The following CNKSR3 variants were observed in gnomAD, a reference collection of about 807,000 sequenced individuals.
The protein encoded by CNKSR3 is connector enhancer of kinase suppressor of ras 3.
In CNKSR3, 36 loss-of-function variants were observed where a neutral mutation model predicts 67.7. That is an observed-to-expected ratio of 0.53 (90% CI 0.41 to 0.70). The LOEUF is 0.70. CNKSR3 is among the 30% of genes least tolerant of loss of function. The pLI is 0.00. For synonymous variants in CNKSR3, 281 were observed against 271.4 expected (o/e 1.04, Z -0.35); for missense variants, 630 against 695.2 (o/e 0.91, Z 1.05).
intron 6 of CNKSR3, among the ~76,000 whole-genome samples, chr6:154,429,747 C>T (rs561088657): frequency 1.1e-3 from 167 of 152,220 alleles, no homozygotes; most frequent in Non-Finnish European, 2.0e-3. Flanking sequence ...TCAACATCAT[C>T]AATACCAGCA....
Position 154,389,536 on chromosome 6 carries a change from T to C in CNKSR3, c.*16818A>G, listed in dbSNP as rs1412132918. ...AATCAAGCAATGTGATGCCTCTATC[T>C]TTGTTCTTCTTTCTCAAGATTGATA... On this transcript the variant is annotated 3_prime_UTR_variant, in exon 13 of 13. Transcript: ENST00000607772. 6.6e-6 allele frequency: 1 copy of C among 152,252 alleles called. No homozygotes were observed. The highest frequency in any genetic ancestry group is 1.5e-5 in the Non-Finnish European group (1 of 68,048). The allele number at this position is 152,252 out of a possible 1,614,324, so 9.4% of individuals were successfully genotyped here. A position where few individuals can be genotyped will look rare whatever the true frequency, so the allele number is the denominator to read the frequency against.
chr6:154,443,844 G>C (rs924282145), intron 2 of CNKSR3, among the ~76,000 whole-genome samples: 1 of 152,148 alleles, frequency 6.6e-6, no homozygotes, highest in African/African-American at 2.4e-5. Flanking sequence ...GAGTGACAGA[G>C]AGAGACCCTG....
intron 1 of CNKSR3, among the ~76,000 whole-genome samples, chr6:154,485,049 G>C (rs529040962): frequency 1.3e-5 from 2 of 152,088 alleles, no homozygotes; most frequent in Non-Finnish European, 2.9e-5. Flanking sequence ...CAATTAGCTT[G>C]GATTTTAACT....
At chr6:154,411,240 T>C in intron 10 of CNKSR3, 98 bp from the exon 11 acceptor site, 1 of 836,498 alleles carries the variant, frequency 1.2e-6, no homozygotes, top group Non-Finnish European at 1.9e-6. Context: ...CAGAAGATAA[T>C]TTAAATTCTC....
intron 1 of CNKSR3, among the ~76,000 whole-genome samples, chr6:154,509,367 A>G (rs1304325626): frequency 1.4e-5 from 2 of 147,506 alleles, no homozygotes; most frequent in East Asian, 4.0e-4. Context: ...GAATCAAGAC[A>G]GTGGTTCCAA....
intron 7 of CNKSR3, among the ~76,000 whole-genome samples, chr6:154,423,381 A>G (rs1785187361): frequency 6.6e-6 from 1 of 152,126 alleles, no homozygotes; most frequent in Admixed American, 6.5e-5. Flanking sequence ...CTCCCCCCTC[A>G]GCCTCCCGAG....
rs912795411 is a variant in CNKSR3, at chr6:154,417,896, G to C, written c.946-3473C>G. 7.9e-5 allele frequency among the ~76,000 whole-genome samples: 12 copies of C among 152,282 alleles called. 3 individuals are homozygous for C. The highest frequency in any genetic ancestry group is 2.0e-4 in the Admixed American group (3 of 15,304). On this transcript the variant is annotated intron_variant, in intron 9 of 12. Transcript: ENST00000607772. ...TAGAGGTATTAATGTAAAAGCAGCT[G>C]TCAACTTGTCACCTGTGGAAGAAAG...
intron 1 of CNKSR3, among the ~76,000 whole-genome samples, chr6:154,508,377 G>C (rs62432728): frequency 0.16 from 24,015 of 151,952 alleles, 1,957 homozygotes; most frequent in Middle Eastern, 0.17. Context: ...ACAGCACATT[G>C]CAATTCTAAC....
At position 154,397,391 on chromosome 6, in the gene CNKSR3, T is replaced by A. The variant is rs1490540479; in HGVS notation, c.*8963A>T. On this transcript the variant is annotated 3_prime_UTR_variant, in exon 13 of 13. Transcript: ENST00000607772. ...GAAAGATCTTGGTTTAATTCTTTTC[T>A]TCTCTAAAAGTAGGTTTCTGTTTTT... The A allele has an allele frequency of 5.3e-5, 8 of 152,264 alleles. No homozygotes were observed. Among genetic ancestry groups the A allele is most frequent in the Non-Finnish European group, 5.9e-5 (4 of 68,040 alleles). 9.4% of individuals were successfully genotyped at this position (152,264 alleles called of 1,614,324 possible).
chr6:154,420,540 T>C (rs1050134311), intron 9 of CNKSR3, among the ~76,000 whole-genome samples: 1 of 150,806 alleles, frequency 6.6e-6, no homozygotes, highest in East Asian at 1.9e-4. Context: ...ATACAAAAAA[T>C]TAGCCGGGCG....
chr6:154,441,572 C>T (rs1317162251), intron 3 of CNKSR3, among the ~76,000 whole-genome samples, 193 bp from the exon 4 acceptor site: 3 of 152,156 alleles, frequency 2.0e-5, no homozygotes, highest in African/African-American at 4.8e-5. Context: ...CAATCTACGC[C>T]TCCCAGGTTC....
chr6:154,499,317 T>C (rs1786937069), intron 1 of CNKSR3, among the ~76,000 whole-genome samples: 1 of 152,212 alleles, frequency 6.6e-6, no homozygotes, highest in East Asian at 1.9e-4. Flanking sequence ...CCTATTTCCA[T>C]AGAGTCCACA....
chr6:154,388,889 C>G lies in CNKSR3; in HGVS notation c.*17465G>C, dbSNP rs1026692355. 4.6e-5 allele frequency: 7 copies of G among 151,744 alleles called. No individual in the cohort carries two copies. The highest frequency in any genetic ancestry group is 1.7e-4 in the African/African-American group (7 of 41,298). 9.4% of individuals were successfully genotyped at this position (151,744 alleles called of 1,614,324 possible). A position where few individuals can be genotyped will look rare whatever the true frequency, so the allele number is the denominator to read the frequency against. On this transcript the variant is annotated 3_prime_UTR_variant, in exon 13 of 13. Coordinates refer to ENST00000607772, the MANE Select transcript of CNKSR3 (RefSeq NM_173515.4). ...TCAACTAGCTTCTTTCATTGCTGTT[C>G]AAGATGCCAGAGCCCATGCTATTCA...
chr6:154,438,153 T>A (rs1278599066), intron 4 of CNKSR3, among the ~76,000 whole-genome samples: 1 of 152,224 alleles, frequency 6.6e-6, no homozygotes, highest in East Asian at 1.9e-4. Flanking sequence ...TATTATTTTT[T>A]AAGTATTTTA....
chr6:154,410,299 C>T (rs768862819), intron 12 of CNKSR3, 44 bp downstream of exon 12: 82 of 1,382,056 alleles, frequency 5.9e-5, no homozygotes, highest in Non-Finnish European at 8.2e-5. Flanking sequence ...TGGGGCTGTT[C>T]ACTCCCCATT....
At chr6:154,484,695 C>CAAAAAAAAAAAAAAAAAAAAAAAAA in intron 1 of CNKSR3, among the ~76,000 whole-genome samples, 1 of 65,520 alleles carries the variant, frequency 1.5e-5, no homozygotes, top group African/African-American at 4.6e-5. Flanking sequence ...GAGCAAGACT[C>CAAAAAAAAAAAAAAAAAAAAAAAAA]AAAAAAAAAA....
chr6:154,467,820 T>C (rs4348332), intron 1 of CNKSR3, among the ~76,000 whole-genome samples: 79,324 of 151,160 alleles, frequency 0.52, 22,922 homozygotes, highest in African/African-American at 0.79. Context: ...AGTACAATGG[T>C]GCAATTTCGG....
At chr6:154,470,649 T>C (rs1786309433) in intron 1 of CNKSR3, among the ~76,000 whole-genome samples, 1 of 152,236 alleles carries the variant, frequency 6.6e-6, no homozygotes, top group Non-Finnish European at 1.5e-5. Flanking sequence ...TAATATTCCA[T>C]TGTATAGATA....
intron 2 of CNKSR3, among the ~76,000 whole-genome samples, chr6:154,443,086 C>T (rs868648977): frequency 6.6e-5 from 10 of 151,922 alleles, no homozygotes; most frequent in African/African-American, 2.2e-4. Context: ...TTAGTAGAGA[C>T]GGGGTTTCAC....
Sources: allele counts gnomAD v4.1 joint callset (sites outside exome capture counted in the v4.1 genomes callset), GRCh38; gene constraint gnomAD v4.1.1; transcripts MANE v1.5; gene names NCBI Gene and HGNC (gene_info 2026-07-23, HGNC 2026-07-21).